HAS3: variants seen among roughly 807,000 people sequenced by gnomAD.
HAS3 encodes HA synthase 3.
Under a neutral mutation model 50.3 loss-of-function variants are expected in HAS3, and 27 were observed. The ratio of observed to expected loss-of-function variants is 0.54; its 90% CI spans 0.40 to 0.74. HAS3 has a LOEUF of 0.74. Among genes scored for constraint, HAS3 ranks in the 30% least tolerant of loss-of-function variants. HAS3 has a pLI of 0.00. For synonymous variants in HAS3, 339 were observed against 310.9 expected (o/e 1.09, Z -0.95); for missense variants, 517 against 742.8 (o/e 0.70, Z 3.53).
chr16:69,095,226 C>A, the HAS3 span, among the ~76,000 whole-genome samples: 2 of 152,148 alleles, frequency 1.3e-5, no homozygotes, highest in African/African-American at 4.8e-5. Flanking sequence ...CTCAAGTGAT[C>A]CACCAGCCTC....
intron 2 of HAS3, among the ~76,000 whole-genome samples, chr16:69,110,449 C>T (rs1387482002): frequency 6.6e-6 from 1 of 152,148 alleles, no homozygotes; most frequent in African/African-American, 2.4e-5. Flanking sequence ...CTATGTTGCC[C>T]AGGCTGGAGT....
At chr16:69,090,531 C>T in the HAS3 span, among the ~76,000 whole-genome samples, 1 of 152,078 alleles carries the variant, frequency 6.6e-6, no homozygotes, top group East Asian at 1.9e-4. Flanking sequence ...ACCTCAGCCT[C>T]CTGAGTAGCT....
Position 69,112,049 on chromosome 16 carries a change from C to T in HAS3, c.637-1392C>T, listed in dbSNP as rs146133345. The stretch of plus-strand genomic sequence containing the variant: ...CTAACCGCCTGCTGCGGAGGTATCT[C>T]TCCCTCCTAGGCAGAACTCTGCCCG... On this transcript the variant is annotated intron_variant, in intron 2 of 3. Coordinates refer to ENST00000569188, the MANE Select transcript of HAS3 (RefSeq NM_001199280.2). Among the ~76,000 whole-genome samples the T allele has an allele frequency of 1.2e-3, 180 of 152,362 alleles. 2 individuals are homozygous for T. The highest frequency in any genetic ancestry group is 0.011 in the Admixed American group (163 of 15,310).
At chr16:69,090,296 T>C in the HAS3 span, among the ~76,000 whole-genome samples, 1 of 151,996 alleles carries the variant, frequency 6.6e-6, no homozygotes, top group South Asian at 2.1e-4. Flanking sequence ...GTCTGAGGAG[T>C]GGTACAGCCC....
Position 69,107,510 on chromosome 16 carries a change from C to T in HAS3, c.-1+1723C>T, listed in dbSNP as rs1960843765. ...GGCCGGCGCCGCCTTTGCCAAGAGG[C>T]GAGGCTCGAGCGGGGATGAGAAGCG... On this transcript the variant is annotated intron_variant, in intron 1 of 3. Coordinates refer to ENST00000569188, the MANE Select transcript of HAS3 (RefSeq NM_001199280.2). The surrounding 1 kb of genome is among the most constrained non-coding windows in gnomAD (Gnocchi z 5.5). The T allele has an allele frequency of 1.0e-6, 1 of 984,474 alleles. No homozygotes were observed. The highest frequency in any genetic ancestry group is 4.7e-5 in the South Asian group (1 of 21,292). The allele number at this position is 984,474 out of a possible 1,614,324, so 61.0% of individuals were successfully genotyped here. A position where few individuals can be genotyped will look rare whatever the true frequency, so the allele number is the denominator to read the frequency against.
chr16:69,083,632 C>T, the HAS3 span: 1 of 1,569,370 alleles, frequency 6.4e-7, no homozygotes, highest in African/African-American at 1.4e-5. Flanking sequence ...TCCACAGAAG[C>T]TGGAGAAGAA....
At chr16:69,094,151 C>A in the HAS3 span, among the ~76,000 whole-genome samples, 1 of 152,082 alleles carries the variant, frequency 6.6e-6, no homozygotes, top group African/African-American at 2.4e-5. Context: ...AGCTACTGGG[C>A]CTTTAAGTGG....
chr16:69,117,895 G>C (rs1275837976), downstream of HAS3: 1 of 172,072 alleles, frequency 5.8e-6, no homozygotes, highest in Non-Finnish European at 1.3e-5. Context: ...GCTTCCTCTT[G>C]GAGCAAAAGC....
downstream of HAS3, chr16:69,118,351 C>G (rs1261901237): frequency 1.9e-6 from 3 of 1,581,746 alleles, no homozygotes; most frequent in Admixed American, 1.7e-5. Flanking sequence ...GTTCTGTGTT[C>G]AAGCCCCCAG....
In HAS3 at chr16:69,117,573, CTGCTTT is replaced by C. The variant is rs1233552921; in HGVS notation, c.*2309_*2314del. 9.9e-6 allele frequency: 8 copies of C among 808,568 alleles called. No individual in the cohort carries two copies. The South Asian group carries it at 4.1e-4, about 41-fold the overall frequency. 50.1% of individuals were successfully genotyped at this position (808,568 alleles called of 1,614,324 possible). ...AATTTGTAAACATATTTATTTTTAC[CTGCTTT>C]TTTTTTTTTTTTTAATTTTCAGGTC... On this transcript the variant is annotated 3_prime_UTR_variant, in exon 4 of 4. Transcript: ENST00000569188.
upstream of HAS3, among the ~76,000 whole-genome samples, chr16:69,104,991 G>GTTTT (rs1567576944): frequency 1.0e-4 from 9 of 89,858 alleles, no homozygotes; most frequent in South Asian, 3.8e-4. Flanking sequence ...TCTGTTTTTT[G>GTTTT]GTTTTTTTTT....
chr16:69,113,134 G>A (rs1444859737), intron 2 of HAS3, among the ~76,000 whole-genome samples: 4 of 152,156 alleles, frequency 2.6e-5, no homozygotes, highest in East Asian at 1.9e-4. Context: ...CCCTTCTGCC[G>A]AAGGACCCCA....
chr16:69,099,725 C>T, the HAS3 span, among the ~76,000 whole-genome samples: 4 of 152,258 alleles, frequency 2.6e-5, no homozygotes, highest in Admixed American at 6.5e-5. Context: ...TCGTAGGTGT[C>T]TGGAGTATTC....
At chr16:69,105,612 A>T (rs1356482566), upstream of HAS3, 1 of 152,248 alleles carries the variant, frequency 6.6e-6, no homozygotes, top group African/African-American at 2.4e-5. Context: ...AAGCTGTCAC[A>T]ATTGTTAACA....
Position 69,107,607 on chromosome 16 carries a change from G to C in HAS3, c.1-1789G>C. ...GGCACTGCACCGAGGCGGGGCGCCAGCGCCCAGGTTGCTGGGCTGGCCTTG... is the reference window on the plus strand; with the variant it reads ...GGCACTGCACCGAGGCGGGGCGCCACCGCCCAGGTTGCTGGGCTGGCCTTG... On this transcript the variant is annotated intron_variant, in intron 1 of 3. Transcript: ENST00000569188. The surrounding 1 kb of genome is among the most constrained non-coding windows in gnomAD (Gnocchi z 5.5). 1 of 985,500 alleles carries C rather than the reference G, an allele frequency of 1.0e-6. No individual in the cohort carries two copies. Among genetic ancestry groups the C allele is most frequent in the South Asian group, 4.7e-5 (1 of 21,288 alleles). The allele number at this position is 985,500 out of a possible 1,614,324, so 61.0% of individuals were successfully genotyped here. A position where few individuals can be genotyped will look rare whatever the true frequency, so the allele number is the denominator to read the frequency against.
At chr16:69,111,157 ATTTTTTTTTTTTT>A (rs71148963) in intron 2 of HAS3, among the ~76,000 whole-genome samples, 2,915 of 62,390 alleles carry the variant, frequency 0.047, 97 homozygotes, top group Middle Eastern at 0.14. Flanking sequence ...CTAGGCCAGG[ATTTTTTTTTTTTT>A]TTTTTTTTTT....
At chr16:69,091,696 A>G in the HAS3 span, among the ~76,000 whole-genome samples, 1 of 152,214 alleles carries the variant, frequency 6.6e-6, no homozygotes, top group African/African-American at 2.4e-5. Flanking sequence ...ACCCACCAGC[A>G]GCCGTGTCCC....
At chr16:69,095,226 C>G in the HAS3 span, among the ~76,000 whole-genome samples, 3 of 152,148 alleles carry the variant, frequency 2.0e-5, no homozygotes, top group African/African-American at 7.2e-5. Context: ...CTCAAGTGAT[C>G]CACCAGCCTC....
chr16:69,114,849 G>T lies in HAS3; in HGVS notation c.1245G>T (p.Thr415=), dbSNP rs750020746. 4.3e-6 allele frequency: 7 copies of T among 1,613,966 alleles called. No homozygotes were observed. In the East Asian group the frequency reaches 1.6e-4, roughly 36 times the overall value. Residue 415 remains threonine (T), a synonymous_variant, in exon 4 of 4, where the codon ACG becomes ACT. Transcript: ENST00000569188. This position sits in a 1 kb window ranked among gnomAD's most constrained non-coding sequence, Gnocchi z 6.4. ...GGAACATTCTCCTCTTCCTGCTGAC[G>T]GTGCAGCTGGTGGGCATTATCAAGG... The part of the protein sequence containing the change: ...RIWNILLFLL[T]VQLVGIIKAT...
Sources: gnomAD v4.1 joint callset for allele counts (sites outside exome capture counted in the v4.1 genomes callset) on GRCh38, gnomAD v4.1.1 for gene constraint, Gnocchi (gnomAD v3.1) non-coding constraint, MANE v1.5 for transcripts, NCBI Gene and HGNC (gene_info 2026-07-23, HGNC 2026-07-21) for gene names.